The following MITF variants were observed in gnomAD, a reference collection of about 807,000 sequenced individuals.
MITF encodes the protein melanocyte inducing transcription factor.
Under a neutral mutation model 60.5 loss-of-function variants are expected in MITF, and 17 were observed. That is an observed-to-expected ratio of 0.28 (90% confidence interval 0.19 to 0.42). MITF has a LOEUF of 0.42. Among genes scored for constraint, MITF ranks in the 10% least tolerant of loss-of-function variants. The probability of loss-of-function intolerance (pLI) is 1.00; values close to 1 mark genes in which losing one functional copy is unlikely to be tolerated. For synonymous variants in MITF, 260 were observed against 248.5 expected (o/e 1.05, Z -0.43); for missense variants, 622 against 683.5 (o/e 0.91, Z 1.00).
chr3:69,951,308 G>A (rs1052288230), intron 6 of MITF, among the ~76,000 whole-genome samples: 1 of 151,602 alleles, frequency 6.6e-6, no homozygotes, highest in African/African-American at 2.4e-5. Context: ...TTGAACTCCT[G>A]GGCTCAAGTG....
intron 2 of MITF, among the ~76,000 whole-genome samples, chr3:69,914,265 G>A (rs2065285345): frequency 6.6e-6 from 1 of 152,072 alleles, no homozygotes; most frequent in South Asian, 2.1e-4. Context: ...GGAATTACAG[G>A]CACATGCCAC....
intron 1 of MITF, chr3:69,763,688 C>T: frequency 2.3e-6 from 3 of 1,291,878 alleles, no homozygotes; most frequent in Non-Finnish European, 3.0e-6. Context: ...GCCAAGGCAG[C>T]CCTGGTGAGT....
intron 1 of MITF, among the ~76,000 whole-genome samples, chr3:69,826,802 C>T (rs1001208087): frequency 2.0e-5 from 3 of 152,296 alleles, no homozygotes; most frequent in African/African-American, 7.2e-5. Flanking sequence ...AAGTTTTATA[C>T]ATTATAGCAA....
intron 1 of MITF, among the ~76,000 whole-genome samples, chr3:69,797,193 G>T (rs1024871372): frequency 3.3e-5 from 5 of 152,152 alleles, no homozygotes. Flanking sequence ...ACCTATCCCA[G>T]GTGCTGAAGG....
chr3:69,950,550 G>A (rs1474404187), intron 6 of MITF, among the ~76,000 whole-genome samples: 1 of 142,950 alleles, frequency 7.0e-6, no homozygotes, highest in East Asian at 2.0e-4. Flanking sequence ...ATATAGATAT[G>A]CATATATACA....
intron 1 of MITF, among the ~76,000 whole-genome samples, chr3:69,743,136 A>T (rs1371522249): frequency 1.3e-5 from 2 of 152,120 alleles, no homozygotes; most frequent in Admixed American, 6.5e-5. Context: ...GCATTGCAGG[A>T]TGTCCAGCAG....
chr3:69,755,739 G>A (rs1386606891), intron 1 of MITF, among the ~76,000 whole-genome samples: 1 of 152,010 alleles, frequency 6.6e-6, no homozygotes, highest in East Asian at 1.9e-4. Context: ...TTACAGTTTA[G>A]TCATTGACTA....
intron 1 of MITF, among the ~76,000 whole-genome samples, chr3:69,832,624 A>G (rs1044926900): frequency 6.6e-6 from 1 of 152,056 alleles, no homozygotes; most frequent in Non-Finnish European, 1.5e-5. Flanking sequence ...TTCCCCGTTT[A>G]CACTGTATAT....
chr3:69,778,771 C>T (rs757573418), intron 1 of MITF: 1 of 152,020 alleles, frequency 6.6e-6, no homozygotes, highest in Non-Finnish European at 1.5e-5. Context: ...TACATTTTTC[C>T]CTGATTAAAA....
At chr3:69,831,347 CTT>C (rs2063444790) in intron 1 of MITF, among the ~76,000 whole-genome samples, 1 of 152,286 alleles carries the variant, frequency 6.6e-6, no homozygotes, top group African/African-American at 2.4e-5. Flanking sequence ...TTCTTGTCCT[CTT>C]TTTCTGTTCC....
intron 5 of MITF, among the ~76,000 whole-genome samples, chr3:69,942,786 A>G (rs143980516): frequency 2.1e-4 from 32 of 152,298 alleles, no homozygotes; most frequent in African/African-American, 5.8e-4. Flanking sequence ...AAACATGAGT[A>G]AAACACTTGG....
chr3:69,921,304 T>C (rs1046378674), intron 2 of MITF, among the ~76,000 whole-genome samples: 2 of 152,236 alleles, frequency 1.3e-5, no homozygotes, highest in African/African-American at 2.4e-5. Context: ...CTTTATTTAC[T>C]ATTTTATCAG....
chr3:69,780,618 G>A (rs1308397425), intron 1 of MITF, among the ~76,000 whole-genome samples: 1 of 152,170 alleles, frequency 6.6e-6, no homozygotes, highest in African/African-American at 2.4e-5. Context: ...ACATCTTGAA[G>A]CCTGCCTTGG....
chr3:69,960,504 A>T (rs529253045), intron 9 of MITF, among the ~76,000 whole-genome samples: 3 of 152,086 alleles, frequency 2.0e-5, no homozygotes, highest in African/African-American at 7.2e-5. Context: ...CTCTGAAATG[A>T]TCCTCAAAAA....
rs191094652 is a variant in MITF, at chr3:69,936,207, C to T, written c.355-1615C>T. Among the ~76,000 whole-genome samples, 133 of 152,238 alleles carry T rather than the reference C, an allele frequency of 8.7e-4. 1 individual carries two copies. Among genetic ancestry groups the T allele is most frequent in the African/African-American group, 3.1e-3 (130 of 41,552 alleles). ...TACTAAAAGATAGTCATCCTGCAGT[C>T]GGAAGTGGCAGTTATTCGGCCATTG... is the stretch of plus-strand genomic sequence containing the variant. On this transcript the variant is annotated intron_variant, in intron 2 of 9. Transcript: ENST00000352241.
chr3:69,867,535 C>T (rs762606915), intron 1 of MITF, among the ~76,000 whole-genome samples: 1 of 151,994 alleles, frequency 6.6e-6, no homozygotes, highest in Admixed American at 6.5e-5. Flanking sequence ...TTACTCACCT[C>T]TATAAAATGT....
rs111261020 is a variant in MITF, at chr3:69,758,117, G to GCACACACA, written c.104+18434_104+18441dup. Among the ~76,000 whole-genome samples the GCACACACA allele has an allele frequency of 7.5e-5, 9 of 120,142 alleles. No individual in the cohort carries two copies. In the South Asian group the frequency reaches 9.2e-4, roughly 12 times the overall value. The allele number at this position is 120,142 out of a possible 152,430, so 78.8% of individuals were successfully genotyped here. A position where few individuals can be genotyped will look rare whatever the true frequency, so the allele number is the denominator to read the frequency against. On this transcript the variant is annotated intron_variant, in intron 1 of 9. Coordinates refer to ENST00000352241, the MANE Select transcript of MITF (RefSeq NM_001354604.2). ...ATATATATATATAAATATATCATAT[G>GCACACACA]CACACACACACACACACACACACAC...
chr3:69,937,962 C>A lies in MITF; in HGVS notation c.495C>A (p.Gly165=). The part of the protein sequence containing the change: ...VLSLPCPNQP[G]DHVMPPVPGS... ...GCTTGCCATGTCCAAACCAGCCTGGCGATCATGTCATGCCACCGGTGCCGG... is the reference window on the plus strand; with the variant it reads ...GCTTGCCATGTCCAAACCAGCCTGGAGATCATGTCATGCCACCGGTGCCGG... The change falls in exon 3 of 10, where the codon GGC becomes GGA. Residue 165 remains glycine, a synonymous_variant. Transcript: ENST00000352241. 3 of 1,614,168 alleles carry A rather than the reference C, an allele frequency of 1.9e-6. No homozygotes were observed. Among genetic ancestry groups the A allele is most frequent in the Non-Finnish European group, 1.7e-6 (2 of 1,180,016 alleles).
chr3:69,795,975 G>C (rs1223168865), intron 1 of MITF, among the ~76,000 whole-genome samples: 2 of 152,000 alleles, frequency 1.3e-5, no homozygotes, highest in East Asian at 3.9e-4. Flanking sequence ...TTAATCTTTT[G>C]TTGCTATTTT....
Sources: allele counts gnomAD v4.1 joint callset (sites outside exome capture counted in the v4.1 genomes callset), GRCh38; gene constraint gnomAD v4.1.1; transcripts MANE v1.5; gene names NCBI Gene and HGNC (gene_info 2026-07-23, HGNC 2026-07-21).